The following ALK variants were observed in gnomAD, a reference collection of about 807,000 sequenced individuals.
The protein encoded by ALK is ALK receptor tyrosine kinase.
Under a neutral mutation model 163.1 loss-of-function variants are expected in ALK, and 74 were observed. The observed-to-expected ratio is 0.45, with a 90% CI of 0.38 to 0.55. The LOEUF is 0.55. ALK is among the 20% of genes least tolerant of loss of function. The pLI, the probability that ALK is intolerant of heterozygous loss-of-function variation, is 0.00. For synonymous variants in ALK, 960 were observed against 843.2 expected (o/e 1.14, Z -2.40); for missense variants, 2,063 against 2,105.3 (o/e 0.98, Z 0.39).
At chr2:29,585,098 T>A (rs1438506826) in intron 3 of ALK, among the ~76,000 whole-genome samples, 3 of 152,190 alleles carry the variant, frequency 2.0e-5, no homozygotes, top group Non-Finnish European at 4.4e-5. Flanking sequence ...TTATCTATGT[T>A]TTCTCCTCTA....
At chr2:29,405,956 C>T (rs547096658) in intron 4 of ALK, among the ~76,000 whole-genome samples, 134 of 152,178 alleles carry the variant, frequency 8.8e-4, no homozygotes, top group Non-Finnish European at 1.6e-3. Flanking sequence ...TTTCCTCTTT[C>T]GGTTTCTGAG....
chr2:29,574,600 G>A (rs1047909913), intron 3 of ALK, among the ~76,000 whole-genome samples: 1 of 152,236 alleles, frequency 6.6e-6, no homozygotes, highest in East Asian at 1.9e-4. Flanking sequence ...AGCGCCTCTT[G>A]GCAGGACCTT....
At chr2:29,889,666 A>T (rs1304728868) in intron 1 of ALK, among the ~76,000 whole-genome samples, 1 of 148,754 alleles carries the variant, frequency 6.7e-6, no homozygotes, top group Admixed American at 6.8e-5. Context: ...TGGAATATCT[A>T]TCTATCTGTA....
chr2:29,863,982 A>G (rs1427445824), intron 1 of ALK, among the ~76,000 whole-genome samples: 1 of 152,152 alleles, frequency 6.6e-6, no homozygotes, highest in Non-Finnish European at 1.5e-5. Flanking sequence ...CTATCTTGAC[A>G]CCTGCTTCTC....
chr2:29,847,263 C>T (rs1182770842), intron 1 of ALK, among the ~76,000 whole-genome samples: 5 of 152,094 alleles, frequency 3.3e-5, no homozygotes, highest in African/African-American at 1.2e-4. Context: ...AAAGTACTAT[C>T]AGGAAAGTCG....
At chr2:29,400,626 G>A (rs1669419899) in intron 4 of ALK, among the ~76,000 whole-genome samples, 1 of 152,150 alleles carries the variant, frequency 6.6e-6, no homozygotes, top group Admixed American at 6.5e-5. Flanking sequence ...CTTTTATGAA[G>A]TCCCCTTTTC....
chr2:29,394,482 C>T (rs1190189144), intron 4 of ALK, among the ~76,000 whole-genome samples: 2 of 152,170 alleles, frequency 1.3e-5, no homozygotes, highest in Non-Finnish European at 2.9e-5. Flanking sequence ...GAGCATCCCT[C>T]ACCAGGGAGC....
chr2:29,429,888 G>T (rs1271383716), intron 4 of ALK, among the ~76,000 whole-genome samples: 1 of 152,136 alleles, frequency 6.6e-6, no homozygotes, highest in East Asian at 1.9e-4. Flanking sequence ...ACAGATCCAT[G>T]AAATAGAATT....
intron 4 of ALK, among the ~76,000 whole-genome samples, chr2:29,415,775 C>T (rs1004075359): frequency 1.3e-5 from 2 of 152,204 alleles, no homozygotes; most frequent in African/African-American, 2.4e-5. Context: ...ATCTCCTAAT[C>T]GTTGACTGCC....
intron 12 of ALK, among the ~76,000 whole-genome samples, chr2:29,240,253 C>T (rs1664490558): frequency 6.6e-6 from 1 of 151,846 alleles, no homozygotes. Flanking sequence ...TTATGGTTTT[C>T]TCTCCTTGTC....
intron 3 of ALK, among the ~76,000 whole-genome samples, chr2:29,675,613 T>C (rs1326836808): frequency 6.6e-6 from 1 of 152,030 alleles, no homozygotes; most frequent in Non-Finnish European, 1.5e-5. Flanking sequence ...GAATTTTTTT[T>C]TCTTAGATAC....
chr2:29,374,991 G>C (rs1330396013), intron 5 of ALK, among the ~76,000 whole-genome samples: 1 of 152,192 alleles, frequency 6.6e-6, no homozygotes, highest in Non-Finnish European at 1.5e-5. Flanking sequence ...GACTGCTCCA[G>C]GTGGTGGCAC....
At chr2:29,480,740 G>A (rs544847947) in intron 4 of ALK, among the ~76,000 whole-genome samples, 3 of 139,906 alleles carry the variant, frequency 2.1e-5, no homozygotes, top group African/African-American at 5.4e-5. Flanking sequence ...CCAGCAACAC[G>A]CAGGCAGATG....
At position 29,246,550 on chromosome 2, in the gene ALK, C is replaced by A. The variant is rs775723632; in HGVS notation, c.2204+4555G>T. Among the ~76,000 whole-genome samples the A allele has an allele frequency of 3.3e-5, 5 of 152,176 alleles. No homozygotes were observed. The highest frequency in any genetic ancestry group is 7.2e-5 in the African/African-American group (3 of 41,436). Reference sequence around the variant, plus strand: ...GGCCTCCTGATCAGGGCCCCTCTCGCTGCTGCCCTGGCCTTGCCTGTTCTC... The same window carrying A: ...GGCCTCCTGATCAGGGCCCCTCTCGATGCTGCCCTGGCCTTGCCTGTTCTC... On this transcript the variant is annotated intron_variant, in intron 12 of 28. Transcript: ENST00000389048. This position sits in a 1 kb window ranked among gnomAD's most constrained non-coding sequence, Gnocchi z 4.3.
intron 2 of ALK, among the ~76,000 whole-genome samples, chr2:29,699,073 C>G (rs1465358144): frequency 6.6e-6 from 1 of 152,216 alleles, no homozygotes; most frequent in Non-Finnish European, 1.5e-5. Context: ...TCTTGAATCT[C>G]TCTCCTTCAC....
At chr2:29,682,768 G>A (rs149004564) in intron 3 of ALK, among the ~76,000 whole-genome samples, 46 of 152,230 alleles carry the variant, frequency 3.0e-4, no homozygotes, top group African/African-American at 1.1e-3. Context: ...TATTCTCATT[G>A]TAGGCACCTT....
At chr2:29,242,142 G>A (rs940019248) in intron 12 of ALK, among the ~76,000 whole-genome samples, 1 of 152,222 alleles carries the variant, frequency 6.6e-6, no homozygotes, top group Admixed American at 6.5e-5. Flanking sequence ...ACCTGGGCAG[G>A]GGACGATGTG....
intron 3 of ALK, among the ~76,000 whole-genome samples, chr2:29,590,305 AAC>A (rs1224844571): frequency 2.0e-5 from 3 of 152,206 alleles, no homozygotes; most frequent in African/African-American, 7.2e-5. Context: ...ATTACTCTAC[AAC>A]GGTCTACCCA....
intron 3 of ALK, among the ~76,000 whole-genome samples, chr2:29,669,303 A>C (rs1677612110): frequency 6.6e-6 from 1 of 152,082 alleles, no homozygotes; most frequent in African/African-American, 2.4e-5. Context: ...AGATATTTAT[A>C]ATTGTTATAT....
Sources: gnomAD v4.1 joint callset for allele counts (sites outside exome capture counted in the v4.1 genomes callset) on GRCh38, gnomAD v4.1.1 for gene constraint, Gnocchi (gnomAD v3.1) non-coding constraint, MANE v1.5 for transcripts, NCBI Gene and HGNC (gene_info 2026-07-23, HGNC 2026-07-21) for gene names.